LOXHD1: variants seen among roughly 807,000 people sequenced by gnomAD.
LOXHD1 encodes the protein lipoxygenase homology PLAT domains 1.
In LOXHD1, 205 loss-of-function variants were observed where a neutral mutation model predicts 248.2. The ratio of observed to expected loss-of-function variants is 0.83; its 90% confidence interval spans 0.74 to 0.93. LOXHD1 has a LOEUF of 0.93. Ranked by LOEUF, LOXHD1 falls within the 40% of genes least tolerant of loss-of-function variation. LOXHD1 has a pLI of 0.00. For synonymous variants in LOXHD1, 1,113 were observed against 1,162.8 expected, an observed-to-expected ratio of 0.96 and a Z score of 0.87; for missense variants, 2,930 against 2,971.6, an observed-to-expected ratio of 0.99 and a Z score of 0.33.
Position 46,610,944 on chromosome 18 carries a change from A to T in LOXHD1, c.611-20T>A. ...GCTCCCCTGTATGCACAGACATACA[A>T]AAGAAATTACAAAAAGACCAGAAGA... On this transcript the variant is annotated intron_variant, in intron 5 of 40. Transcript: ENST00000642948. 1.3e-6 allele frequency: 2 copies of T among 1,549,448 alleles called. No homozygotes were observed. Among genetic ancestry groups the T allele is most frequent in the Non-Finnish European group, 1.7e-6 (2 of 1,146,380 alleles).
intron 18 of LOXHD1, among the ~76,000 whole-genome samples, chr18:46,562,742 T>C (rs1283076128): frequency 6.6e-6 from 1 of 152,100 alleles, no homozygotes; most frequent in Non-Finnish European, 1.5e-5. Context: ...TGGAGGAGCT[T>C]TTCAACGTAC....
At chr18:46,634,165 G>T (rs756156441) in intron 4 of LOXHD1, among the ~76,000 whole-genome samples, 30 of 152,174 alleles carry the variant, frequency 2.0e-4, no homozygotes, top group Non-Finnish European at 3.5e-4. Flanking sequence ...ATAGCTAAAA[G>T]GTGGAAATAG....
chr18:46,604,179 G>A lies in LOXHD1; in HGVS notation c.810C>T (p.Asn270=). ...GNKRKYDFPL[N]RWLALDEDDG... is the part of the protein sequence containing the mutation. ...CGTCTTCGTCCAAGGCCAGCCAGCG[G>A]TTAAGGGGGAAGTCATATTTTCTTT... Residue 270 remains asparagine, a synonymous_variant, in exon 7 of 41, where the codon AAC becomes AAT. Transcript: ENST00000642948. 2 of 1,551,770 alleles carry A rather than the reference G, an allele frequency of 1.3e-6. No individual in the cohort carries two copies. Among genetic ancestry groups the A allele is most frequent in the South Asian group, 2.4e-5 (2 of 84,064 alleles).
Position 46,541,870 on chromosome 18 carries a change from A to T in LOXHD1, c.3819T>A (p.Phe1273Leu), listed in dbSNP as rs1166892056. 1 of 1,551,696 alleles carries T rather than the reference A, an allele frequency of 6.4e-7. No homozygotes were observed. The highest frequency in any genetic ancestry group is 2.0e-5 in the Admixed American group (1 of 50,998). The part of the protein sequence containing the change: ...DAPSLGKCMT[F>L]PCGRWLAKNE... ...TTTTGGCCAGCCAGCGGCCACAGGG[A>T]AACGTCATGCACTTCCCAAGAGATG... Residue 1273 changes from phenylalanine to leucine, a missense_variant, in exon 25 of 41, where the codon TTT becomes TTA. By Grantham distance (22) the Phe-to-Leu change is conservative (BLOSUM62 0). Transcript: ENST00000642948.
intron 15 of LOXHD1, among the ~76,000 whole-genome samples, chr18:46,571,220 C>T (rs1029694011): frequency 1.3e-5 from 2 of 152,190 alleles, no homozygotes; most frequent in Non-Finnish European, 2.9e-5. Flanking sequence ...CTAATCCCAG[C>T]ACTTTGGGTG....
At chr18:46,507,449 A>G in intron 36 of LOXHD1, 89 bp downstream of exon 36, 1 of 1,468,840 alleles carries the variant, frequency 6.8e-7, no homozygotes, top group Non-Finnish European at 9.3e-7. Context: ...TTATGAAGAA[A>G]AATGCCCTGA....
intron 4 of LOXHD1, among the ~76,000 whole-genome samples, chr18:46,633,946 C>T (rs949997595): frequency 2.0e-4 from 30 of 152,218 alleles, no homozygotes; most frequent in African/African-American, 6.5e-4. Context: ...CAGAAAATAG[C>T]GAGTGTTGGT....
rs146308320 is a variant in LOXHD1, at chr18:46,593,546, T to C, written c.1431+54A>G. On this transcript the variant is annotated intron_variant, in intron 10 of 40. Transcript: ENST00000642948. ...AGAGAACCAGAATCCCCAGGACGAATGCCCTACATCCCTTCCTCCTTTCTC... is the reference window on the plus strand; with the variant it reads ...AGAGAACCAGAATCCCCAGGACGAACGCCCTACATCCCTTCCTCCTTTCTC... 1,322 of 1,530,714 alleles carry C rather than the reference T, an allele frequency of 8.6e-4. 11 individuals carry two copies. In the African/African-American group the frequency reaches 0.016, roughly 19 times the overall value. 94.8% of individuals were successfully genotyped at this position (1,530,714 alleles called of 1,614,324 possible).
chr18:46,487,042 G>A (rs190322358), intron 38 of LOXHD1, among the ~76,000 whole-genome samples: 84 of 152,274 alleles, frequency 5.5e-4, no homozygotes, highest in Admixed American at 9.8e-4. Flanking sequence ...TCAGGAACTT[G>A]AATATTCAGG....
At chr18:46,512,341 T>C (rs1331548219) in intron 34 of LOXHD1, among the ~76,000 whole-genome samples, 1 of 151,740 alleles carries the variant, frequency 6.6e-6, no homozygotes, top group Non-Finnish European at 1.5e-5. Context: ...CAGCATGCAA[T>C]GAGGGCCATT....
chr18:46,535,581 T>TTTGTTG (rs59194307), intron 26 of LOXHD1, among the ~76,000 whole-genome samples: 48 of 128,932 alleles, frequency 3.7e-4, no homozygotes, highest in African/African-American at 1.2e-3. Context: ...TGCCTCTGTT[T>TTTGTTG]TTGTTGTTGT....
chr18:46,596,578 A>T (rs2038259570), intron 8 of LOXHD1, among the ~76,000 whole-genome samples: 1 of 152,244 alleles, frequency 6.6e-6, no homozygotes, highest in Admixed American at 6.5e-5. Context: ...AAAGGTAGAC[A>T]GGGAAAAATC....
At chr18:46,647,908 A>G (rs1330140896) in intron 2 of LOXHD1, among the ~76,000 whole-genome samples, 1 of 152,172 alleles carries the variant, frequency 6.6e-6, no homozygotes, top group Non-Finnish European at 1.5e-5. Flanking sequence ...CTTAAGGAGC[A>G]CACTCCCTGG....
At chr18:46,613,795 C>A (rs180989369) in intron 5 of LOXHD1, among the ~76,000 whole-genome samples, 82 of 152,198 alleles carry the variant, frequency 5.4e-4, no homozygotes, top group African/African-American at 1.9e-3. Flanking sequence ...CAAGATAATT[C>A]TTTCTCTTTA....
At chr18:46,647,535 T>G (rs948564593) in intron 2 of LOXHD1, among the ~76,000 whole-genome samples, 2 of 152,186 alleles carry the variant, frequency 1.3e-5, no homozygotes, top group Non-Finnish European at 1.5e-5. Flanking sequence ...CCTACAGCAG[T>G]GCACTCTGGG....
At chr18:46,598,725 G>T (rs1379659042) in intron 8 of LOXHD1, among the ~76,000 whole-genome samples, 2 of 152,066 alleles carry the variant, frequency 1.3e-5, no homozygotes, top group African/African-American at 4.8e-5. Flanking sequence ...AAATTATAAG[G>T]TCTCTTAAAC....
intron 5 of LOXHD1, 73 bp from the exon 6 acceptor site, chr18:46,610,997 C>T (rs1329638940): frequency 6.6e-7 from 1 of 1,514,170 alleles, no homozygotes; most frequent in African/African-American, 1.4e-5. Flanking sequence ...TCATGGTCCG[C>T]CCACTGAAAG....
At chr18:46,523,411 C>T (rs998497735) in intron 31 of LOXHD1, among the ~76,000 whole-genome samples, 1 of 152,114 alleles carries the variant, frequency 6.6e-6, no homozygotes, top group Non-Finnish European at 1.5e-5. Flanking sequence ...CCAGAATGAC[C>T]AGGTTAAAGG....
At chr18:46,529,453 T>G (rs2035967508) in intron 28 of LOXHD1, 122 bp from the exon 29 acceptor site, 9 of 1,132,476 alleles carry the variant, frequency 7.9e-6, no homozygotes, top group South Asian at 2.0e-5. Flanking sequence ...AAGGGGTTAA[T>G]GCCTTCCTTT....
Sources: gnomAD v4.1 joint callset for allele counts (sites outside exome capture counted in the v4.1 genomes callset) on GRCh38, gnomAD v4.1.1 for gene constraint, MANE v1.5 for transcripts, NCBI Gene and HGNC (gene_info 2026-07-23, HGNC 2026-07-21) for gene names.